Variants in BABAM2 observed in about 807,000 individuals in gnomAD.
BABAM2 encodes BRISC and BRCA1-A complex member 2.
A neutral mutation model predicts 54.7 loss-of-function variants in BABAM2; 31 were observed. The ratio of observed to expected loss-of-function variants is 0.57; its 90% CI spans 0.43 to 0.77. The LOEUF is 0.77. Ranked by LOEUF, BABAM2 falls within the 30% of genes least tolerant of loss-of-function variation. The pLI is 0.00. For missense variants in BABAM2, 364 were observed against 455.8 expected (o/e 0.80, Z 1.83); for synonymous variants, 167 against 162.9 (o/e 1.03, Z -0.19).
intron 3 of BABAM2, among the ~76,000 whole-genome samples, chr2:27,970,787 A>G (rs1471333908): frequency 6.6e-6 from 1 of 151,890 alleles, no homozygotes; most frequent in Non-Finnish European, 1.5e-5. Flanking sequence ...AATGTTTTAA[A>G]TTTTTTTCTT....
In BABAM2 at chr2:28,282,556, C is replaced by T. The variant is rs72857127; in HGVS notation, c.935-15782C>T. Among the ~76,000 whole-genome samples, 1,048 of 152,300 alleles carry T rather than the reference C, an allele frequency of 6.9e-3. 5 individuals carry two copies. Among genetic ancestry groups the T allele is most frequent in the African/African-American group, 0.023 (960 of 41,558 alleles). On this transcript the variant is annotated intron_variant, in intron 10 of 11. Coordinates refer to ENST00000379624, the MANE Select transcript of BABAM2 (RefSeq NM_199191.3). ...AGCAGGCAGGGTCGAATCCTGGCCC[C>T]ATCTCCTCACAGCTTCAAGTTCTCT...
At chr2:28,229,336 G>A (rs960394889) in intron 7 of BABAM2, among the ~76,000 whole-genome samples, 1 of 152,186 alleles carries the variant, frequency 6.6e-6, no homozygotes, top group African/African-American at 2.4e-5. Context: ...GCTCTCATCT[G>A]TAAGATGGGA....
intron 2 of BABAM2, chr2:27,896,840 C>T: frequency 4.7e-6 from 1 of 213,640 alleles, no homozygotes; most frequent in Non-Finnish European, 9.8e-6. Context: ...GCTGGGTCCG[C>T]CATTGCTTCC....
At chr2:28,190,484 C>T (rs768074752) in intron 7 of BABAM2, among the ~76,000 whole-genome samples, 25 of 152,222 alleles carry the variant, frequency 1.6e-4, no homozygotes, top group Middle Eastern at 6.8e-3. Flanking sequence ...GTTGGGAGTT[C>T]GAGACCAGCC....
At chr2:27,996,709 CTG>C (rs561228633) in intron 4 of BABAM2, among the ~76,000 whole-genome samples, 138 of 152,310 alleles carry the variant, frequency 9.1e-4, no homozygotes, top group South Asian at 1.7e-3. Flanking sequence ...AGTTTTGTGA[CTG>C]TGCATAGCCT....
At chr2:27,890,094 A>G (rs573318233), upstream of BABAM2, 219 of 605,530 alleles carry the variant, frequency 3.6e-4, 4 homozygotes, top group South Asian at 4.3e-3. The surrounding 1 kb of genome is among the most constrained non-coding windows in gnomAD (Gnocchi z 4.8). Context: ...AAGTTCTTTC[A>G]TGCCAGGAAG....
chr2:28,126,147 TTTA>T (rs532541270), intron 6 of BABAM2, among the ~76,000 whole-genome samples: 1,962 of 152,042 alleles, frequency 0.013, 42 homozygotes, highest in African/African-American at 0.045. Context: ...TTAATTTTAT[TTTA>T]TTATTATTAT....
chr2:28,207,943 AAG>A (rs1679046424), intron 7 of BABAM2, among the ~76,000 whole-genome samples: 1 of 152,134 alleles, frequency 6.6e-6, no homozygotes, highest in Admixed American at 6.5e-5. Flanking sequence ...AAATAGAAAA[AAG>A]AGAGAGAATA....
chr2:28,286,004 G>T (rs1686765493), intron 10 of BABAM2, among the ~76,000 whole-genome samples: 1 of 148,820 alleles, frequency 6.7e-6, no homozygotes, highest in Admixed American at 6.7e-5. Flanking sequence ...CACCCAGGCT[G>T]GAGTGCAGTG....
In BABAM2 at chr2:28,221,448, A is replaced by AGTT. The variant is rs760822722; in HGVS notation, c.681-15737_681-15735dup. 8.9e-4 allele frequency among the ~76,000 whole-genome samples: 135 copies of AGTT among 152,082 alleles called. 2 individuals are homozygous for AGTT. In the East Asian group the frequency reaches 0.024, roughly 27 times the overall value. Reference sequence around the variant, plus strand: ...ATCAGTTTGGGGTATTTATTTATTTAGTTGTTGTTGTTGTTGTTGCTTTAA... The same window carrying AGTT: ...ATCAGTTTGGGGTATTTATTTATTTAGTTGTTGTTGTTGTTGTTGTTGCTTTAA... On this transcript the variant is annotated intron_variant, in intron 7 of 11. Coordinates refer to ENST00000379624, the MANE Select transcript of BABAM2 (RefSeq NM_199191.3).
At position 28,297,868 on chromosome 2, in the gene BABAM2, C is replaced by T. The variant is rs751043768; in HGVS notation, c.935-470C>T. 1.3e-3 allele frequency among the ~76,000 whole-genome samples: 198 copies of T among 152,174 alleles called. 1 individual carries two copies. The highest frequency in any genetic ancestry group is 2.4e-3 in the Non-Finnish European group (161 of 68,022). Reference sequence around the variant, plus strand: ...TCCAAATGCATTCTTGAAAAACAGCCTCTGTCCCACTGCCTCCATCAAATT... The same window carrying T: ...TCCAAATGCATTCTTGAAAAACAGCTTCTGTCCCACTGCCTCCATCAAATT... On this transcript the variant is annotated intron_variant, in intron 10 of 11. Transcript: ENST00000379624.
chr2:28,325,076 G>A lies in BABAM2; in HGVS notation c.1089-13374G>A, dbSNP rs1012656918. On this transcript the variant is annotated intron_variant, in intron 11 of 11. Coordinates refer to ENST00000379624, the MANE Select transcript of BABAM2 (RefSeq NM_199191.3). The surrounding 1 kb of genome is among the most constrained non-coding windows in gnomAD (Gnocchi z 4.3). ...AACTAAAACAAAAGTGCCACATACAGTGCACTCTGATTTTATTTCACTTTA... is the reference window on the plus strand; with the variant it reads ...AACTAAAACAAAAGTGCCACATACAATGCACTCTGATTTTATTTCACTTTA... Among the ~76,000 whole-genome samples, 2 of 152,026 alleles carry A rather than the reference G, an allele frequency of 1.3e-5. No homozygotes were observed. Among genetic ancestry groups the A allele is most frequent in the Non-Finnish European group, 2.9e-5 (2 of 68,022 alleles).
At chr2:28,207,036 G>C (rs899071029) in intron 7 of BABAM2, among the ~76,000 whole-genome samples, 2 of 152,162 alleles carry the variant, frequency 1.3e-5, no homozygotes, top group African/African-American at 4.8e-5. Flanking sequence ...GGTAGGTACT[G>C]TTACTATGTT....
In BABAM2 at chr2:28,180,980, G is replaced by A. The variant is rs184807789; in HGVS notation, c.680+51600G>A. Among the ~76,000 whole-genome samples the A allele has an allele frequency of 3.4e-3, 525 of 152,282 alleles. 1 individual carries two copies. Among genetic ancestry groups the A allele is most frequent in the Non-Finnish European group, 5.7e-3 (388 of 67,994 alleles). ...ACAACAGATGTCTAGTGAAGATGCA[G>A]AGAAAAGGGAACCCTTATGCACTGT... On this transcript the variant is annotated intron_variant, in intron 7 of 11. Coordinates refer to ENST00000379624, the MANE Select transcript of BABAM2 (RefSeq NM_199191.3).
intron 10 of BABAM2, among the ~76,000 whole-genome samples, chr2:28,254,177 C>T (rs1022494544): frequency 6.6e-6 from 1 of 152,226 alleles, no homozygotes; most frequent in Non-Finnish European, 1.5e-5. Context: ...AAACTGCACA[C>T]TCCTTTCTAT....
chr2:27,981,004 AC>A (rs1359718940), intron 3 of BABAM2, among the ~76,000 whole-genome samples: 1 of 152,196 alleles, frequency 6.6e-6, no homozygotes, highest in Non-Finnish European at 1.5e-5. Context: ...TATCACATAT[AC>A]CCCATAAATA....
intron 7 of BABAM2, among the ~76,000 whole-genome samples, chr2:28,146,309 G>A (rs1671487179): frequency 6.6e-6 from 1 of 152,090 alleles, no homozygotes; most frequent in South Asian, 2.1e-4. Flanking sequence ...GTTCCTCTTG[G>A]CTAGAATTCT....
At chr2:28,261,180 G>A (rs1173278076) in intron 10 of BABAM2, among the ~76,000 whole-genome samples, 1 of 151,890 alleles carries the variant, frequency 6.6e-6, no homozygotes, top group Non-Finnish European at 1.5e-5. Flanking sequence ...GACCTCAAGT[G>A]ATCCACCCAC....
intron 10 of BABAM2, among the ~76,000 whole-genome samples, chr2:28,247,428 G>A (rs1333046180): frequency 6.6e-6 from 1 of 152,206 alleles, no homozygotes; most frequent in Non-Finnish European, 1.5e-5. Context: ...TTAAGCATCT[G>A]ACACTTACCT....
Sources: allele counts gnomAD v4.1 joint callset (sites outside exome capture counted in the v4.1 genomes callset), GRCh38; gene constraint gnomAD v4.1.1; non-coding constraint Gnocchi (gnomAD v3.1); transcripts MANE v1.5; gene names NCBI Gene and HGNC (gene_info 2026-07-23, HGNC 2026-07-21).